Variants in SYT17 observed in about 807,000 individuals in gnomAD.
SYT17 encodes the protein synaptotagmin-17.
A neutral mutation model predicts 46.7 loss-of-function variants in SYT17; 22 were observed. The ratio of observed to expected loss-of-function variants is 0.47; its 90% CI spans 0.34 to 0.67. The LOEUF (loss-of-function observed/expected upper bound fraction) is 0.67. SYT17 is among the 30% of genes least tolerant of loss of function. The pLI is 0.01. For synonymous variants in SYT17, 251 were observed against 248.4 expected (o/e 1.01, Z -0.10); for missense variants, 519 against 612.8 (o/e 0.85, Z 1.62).
At chr16:19,213,305 C>T (rs1418260660) in intron 5 of SYT17, among the ~76,000 whole-genome samples, 1 of 152,186 alleles carries the variant, frequency 6.6e-6, no homozygotes, top group Non-Finnish European at 1.5e-5. Context: ...AGTTGGACCA[C>T]ACAATCTAAG....
intron 5 of SYT17, among the ~76,000 whole-genome samples, chr16:19,219,120 A>AACACCCAT (rs1174107969): frequency 0.01 from 667 of 63,668 alleles, 145 homozygotes; most frequent in East Asian, 0.019. Context: ...TAATAAAACA[A>AACACCCAT]GGCCGGGCGC....
intron 7 of SYT17, among the ~76,000 whole-genome samples, chr16:19,250,237 A>G (rs957288146): frequency 2.6e-5 from 4 of 152,100 alleles, no homozygotes; most frequent in African/African-American, 9.7e-5. Flanking sequence ...TCACACATCT[A>G]TCCAACTCTC....
intron 5 of SYT17, chr16:19,211,600 G>A (rs1168095377): frequency 1.6e-6 from 1 of 627,244 alleles, no homozygotes; most frequent in Non-Finnish European, 2.9e-6. Flanking sequence ...GCAAGTTCAA[G>A]CCTTGGGGCA....
At chr16:19,177,718 C>T (rs1964370268) in intron 3 of SYT17, among the ~76,000 whole-genome samples, 1 of 152,156 alleles carries the variant, frequency 6.6e-6, no homozygotes, top group South Asian at 2.1e-4. Flanking sequence ...TCCTGTGGGC[C>T]CCCAACTTTT....
intron 7 of SYT17, among the ~76,000 whole-genome samples, chr16:19,226,171 T>G (rs935592772): frequency 5.9e-5 from 9 of 152,186 alleles, no homozygotes; most frequent in African/African-American, 2.2e-4. Context: ...GCTTAAAACC[T>G]AAACAACCTA....
intron 5 of SYT17, among the ~76,000 whole-genome samples, chr16:19,187,002 A>G (rs1399153994): frequency 6.6e-6 from 1 of 152,114 alleles, no homozygotes; most frequent in Non-Finnish European, 1.5e-5. Flanking sequence ...TAAATGGGCA[A>G]TCAGGACTCA....
chr16:19,230,906 G>A (rs1966656585), intron 7 of SYT17, among the ~76,000 whole-genome samples: 1 of 152,294 alleles, frequency 6.6e-6, no homozygotes, highest in East Asian at 1.9e-4. Context: ...CTTTAAATAT[G>A]AGACGTTATT....
At chr16:19,252,906 C>T (rs1968291696) in intron 7 of SYT17, among the ~76,000 whole-genome samples, 1 of 152,108 alleles carries the variant, frequency 6.6e-6, no homozygotes, top group Admixed American at 6.6e-5. Flanking sequence ...CAGCGTGCAT[C>T]AGAATCACCC....
intron 7 of SYT17, among the ~76,000 whole-genome samples, chr16:19,251,777 A>G (rs989755609): frequency 1.8e-4 from 28 of 152,138 alleles, no homozygotes; most frequent in Admixed American, 1.0e-3. Flanking sequence ...CTGAGCCTCC[A>G]TCTATTTCTC....
At chr16:19,225,204 G>C (rs1966459262) in intron 7 of SYT17, among the ~76,000 whole-genome samples, 1 of 152,116 alleles carries the variant, frequency 6.6e-6, no homozygotes, top group African/African-American at 2.4e-5. Context: ...CAATATACTT[G>C]GTACATAATA....
intron 5 of SYT17, among the ~76,000 whole-genome samples, chr16:19,210,339 T>A (rs983288332): frequency 1.3e-5 from 2 of 152,138 alleles, no homozygotes; most frequent in African/African-American, 4.8e-5. Flanking sequence ...AGTGCTTGGA[T>A]TACAAGCGTG....
chr16:19,232,028 A>G (rs1293918735), intron 7 of SYT17, among the ~76,000 whole-genome samples: 1 of 152,150 alleles, frequency 6.6e-6, no homozygotes, highest in East Asian at 1.9e-4. Context: ...ATCAGCAGAG[A>G]GGATTGCAGG....
chr16:19,188,535 A>G (rs200760188), intron 5 of SYT17, among the ~76,000 whole-genome samples: 79 of 151,400 alleles, frequency 5.2e-4, no homozygotes, highest in Non-Finnish European at 6.8e-4. Context: ...AAAAAAAAAA[A>G]AAAGAAAGAA....
At chr16:19,230,959 C>T (rs1215304376) in intron 7 of SYT17, among the ~76,000 whole-genome samples, 4 of 152,128 alleles carry the variant, frequency 2.6e-5, no homozygotes, top group Admixed American at 2.6e-4. Flanking sequence ...CTAGATGCTA[C>T]CTTGAGCTTA....
chr16:19,244,696 A>G (rs1281997186), intron 7 of SYT17, among the ~76,000 whole-genome samples: 1 of 152,000 alleles, frequency 6.6e-6, no homozygotes, highest in African/African-American at 2.4e-5. Flanking sequence ...GTGACCTTCC[A>G]TGTGGTGATT....
intron 5 of SYT17, among the ~76,000 whole-genome samples, chr16:19,184,735 T>A (rs570973703): frequency 2.6e-5 from 4 of 152,326 alleles, no homozygotes; most frequent in South Asian, 2.1e-4. Context: ...AAGCCTTTTT[T>A]AAATCATCGA....
intron 7 of SYT17, among the ~76,000 whole-genome samples, chr16:19,234,444 A>C (rs1966813802): frequency 6.6e-6 from 1 of 152,082 alleles, no homozygotes; most frequent in Non-Finnish European, 1.5e-5. Context: ...TCCAATCTCA[A>C]TTTTTATTTT....
intron 5 of SYT17, among the ~76,000 whole-genome samples, chr16:19,197,424 T>TG (rs1965291883): frequency 1.6e-5 from 2 of 127,614 alleles, no homozygotes; most frequent in East Asian, 4.1e-4. Flanking sequence ...TTTTTTGTTT[T>TG]GTTTTGTTTG....
chr16:19,252,941 G>T (rs1968294247), intron 7 of SYT17, among the ~76,000 whole-genome samples: 1 of 152,108 alleles, frequency 6.6e-6, no homozygotes, highest in African/African-American at 2.4e-5. Flanking sequence ...ACAGACTGCT[G>T]AGCCCCTGCC....
Sources: gnomAD v4.1 joint callset for allele counts (sites outside exome capture counted in the v4.1 genomes callset) on GRCh38, gnomAD v4.1.1 for gene constraint, MANE v1.5 for transcripts, NCBI Gene and HGNC (gene_info 2026-07-23, HGNC 2026-07-21) for gene names.